CLUL1: variants seen among roughly 807,000 people sequenced by gnomAD.
CLUL1 encodes the protein clusterin-like protein 1.
Under a neutral mutation model 49.4 loss-of-function variants are expected in CLUL1, and 43 were observed. The ratio of observed to expected loss-of-function variants is 0.87; its 90% CI spans 0.68 to 1.12. CLUL1 has a LOEUF of 1.12. Ranked by LOEUF, CLUL1 falls within the 50% of genes most tolerant of loss-of-function variation. The pLI is 0.00. For missense variants in CLUL1, 486 were observed against 544.4 expected, an observed-to-expected ratio of 0.89 and a Z score of 1.07; for synonymous variants, 192 against 184.9, an observed-to-expected ratio of 1.04 and a Z score of -0.31.
chr18:633,841 C>CGGAGCATGTAATCGGAATGAATCAGGGT (rs2074062977), intron 7 of CLUL1, among the ~76,000 whole-genome samples: 2 of 32,154 alleles, frequency 6.2e-5, no homozygotes, highest in Admixed American at 5.1e-4. Context: ...TGAATCAGGG[C>CGGAGCATGTAATCGGAATGAATCAGGGT]GGAGCGTGTA....
At position 632,966 on chromosome 18, in the gene CLUL1, G is replaced by A. The variant is rs575330132; in HGVS notation, c.857-332G>A. Among the ~76,000 whole-genome samples the A allele has an allele frequency of 5.9e-5, 9 of 152,200 alleles. 1 individual carries two copies. The South Asian group carries it at 1.9e-3, about 32-fold the overall frequency. ...GGTCAGGAGTTCAAGAAACCGGCCT[G>A]GACAACATGGCGCAACCCCATCTCT... On this transcript the variant is annotated intron_variant, in intron 6 of 9. Transcript: ENST00000692774.
chr18:634,662 AAT>A (rs1017858700), intron 7 of CLUL1, among the ~76,000 whole-genome samples: 8 of 152,274 alleles, frequency 5.3e-5, no homozygotes, highest in African/African-American at 1.7e-4. Context: ...AGACAAGTGA[AAT>A]ATTTTTTTGA....
chr18:628,175 T>G (rs2073867019), intron 6 of CLUL1, among the ~76,000 whole-genome samples: 1 of 152,238 alleles, frequency 6.6e-6, no homozygotes, highest in Admixed American at 6.5e-5. Context: ...TCTATTCTGC[T>G]AAAGCATCAG....
At chr18:617,403 T>C (rs1477677594) in intron 2 of CLUL1, among the ~76,000 whole-genome samples, 2 of 152,122 alleles carry the variant, frequency 1.3e-5, no homozygotes, top group African/African-American at 4.8e-5. Context: ...GAGACCAGCC[T>C]GACCCACATG....
chr18:614,339 GGAAGGAAGGAAA>G (rs910705417), intron 2 of CLUL1, among the ~76,000 whole-genome samples: 4 of 150,706 alleles, frequency 2.7e-5, no homozygotes, highest in South Asian at 2.1e-4. Flanking sequence ...AGGGAGGGAA[GGAAGGAAGGAAA>G]GAAGGAAGGA....
intron 7 of CLUL1, among the ~76,000 whole-genome samples, chr18:640,867 C>T (rs1447764602): frequency 1.3e-5 from 2 of 151,580 alleles, no homozygotes; most frequent in African/African-American, 2.4e-5. Context: ...ATTTACTATA[C>T]ACTTTTGGTC....
At chr18:623,505 C>T (rs1162642628) in intron 4 of CLUL1, among the ~76,000 whole-genome samples, 1 of 151,968 alleles carries the variant, frequency 6.6e-6, no homozygotes, top group Non-Finnish European at 1.5e-5. Flanking sequence ...ATTAGCCCGG[C>T]ATGGTGGCAC....
intron 7 of CLUL1, among the ~76,000 whole-genome samples, chr18:635,885 C>T (rs543196960): frequency 0.11 from 16,570 of 152,026 alleles, 1,131 homozygotes; most frequent in African/African-American, 0.18. Flanking sequence ...TACAGGCACG[C>T]GCCACCATAC....
chr18:621,609 T>G (rs2073488802), intron 4 of CLUL1, among the ~76,000 whole-genome samples: 1 of 152,220 alleles, frequency 6.6e-6, no homozygotes, highest in Non-Finnish European at 1.5e-5. Context: ...ATAGAGACAC[T>G]AGATAGCACT....
chr18:637,045 G>A (rs969920267), intron 7 of CLUL1, among the ~76,000 whole-genome samples: 1 of 151,074 alleles, frequency 6.6e-6, no homozygotes, highest in Non-Finnish European at 1.5e-5. Flanking sequence ...GGAGGGCAGT[G>A]GCACAATCTT....
At chr18:616,175 G>A (rs564335743) in intron 2 of CLUL1, among the ~76,000 whole-genome samples, 14 of 152,310 alleles carry the variant, frequency 9.2e-5, no homozygotes, top group African/African-American at 2.4e-4. Context: ...TTTCAGTTCA[G>A]CTAATCAAGT....
chr18:604,923 C>G (rs2072929986), intron 1 of CLUL1, among the ~76,000 whole-genome samples: 1 of 152,226 alleles, frequency 6.6e-6, no homozygotes, highest in South Asian at 2.1e-4. Flanking sequence ...CCGCCCTCCC[C>G]CAGTGCGTAT....
chr18:614,740 A>G (rs2073241904), intron 2 of CLUL1: 1 of 152,286 alleles, frequency 6.6e-6, no homozygotes, highest in African/African-American at 2.4e-5. Context: ...TCTACAGGAC[A>G]CATGCACTCT....
At chr18:631,372 C>CG (rs1555634306) in intron 6 of CLUL1, among the ~76,000 whole-genome samples, 1 of 151,540 alleles carries the variant, frequency 6.6e-6, no homozygotes, top group Non-Finnish European at 1.5e-5. Context: ...TTGACCCGTG[C>CG]GGGGGCCGGG....
At chr18:626,933 A>G (rs867256950) in intron 5 of CLUL1, among the ~76,000 whole-genome samples, 164 bp from the exon 6 acceptor site, 275 of 1,584 alleles carry the variant, frequency 0.17, 85 homozygotes, top group South Asian at 0.75. Flanking sequence ...GAAAGAAGGA[A>G]AGAAGGAAAG....
At chr18:623,626 C>A (rs1354919645) in intron 4 of CLUL1, among the ~76,000 whole-genome samples, 1 of 128,472 alleles carries the variant, frequency 7.8e-6, no homozygotes, top group Non-Finnish European at 1.6e-5. Context: ...GCCTGGGCGA[C>A]ACAGCCAGAC....
chr18:628,084 C>T (rs1567968441), intron 6 of CLUL1, among the ~76,000 whole-genome samples: 2 of 152,254 alleles, frequency 1.3e-5, no homozygotes, highest in Non-Finnish European at 2.9e-5. Flanking sequence ...GCCTTGGCCT[C>T]CCAAAGTGCT....
At chr18:639,216 G>T (rs184918386) in intron 7 of CLUL1, among the ~76,000 whole-genome samples, 18 of 149,436 alleles carry the variant, frequency 1.2e-4, no homozygotes, top group African/African-American at 4.4e-4. Context: ...CACGAGGTCA[G>T]GAGTTCGAGA....
intron 9 of CLUL1, among the ~76,000 whole-genome samples, chr18:649,009 G>C (rs2074598320): frequency 6.6e-6 from 1 of 151,948 alleles, no homozygotes; most frequent in Non-Finnish European, 1.5e-5. Context: ...TTATCTTATT[G>C]TTATAATTTT....
Sources: gnomAD v4.1 joint callset for allele counts (sites outside exome capture counted in the v4.1 genomes callset) on GRCh38, gnomAD v4.1.1 for gene constraint, MANE v1.5 for transcripts, NCBI Gene and HGNC (gene_info 2026-07-23, HGNC 2026-07-21) for gene names.